TRIM9: variants seen among roughly 807,000 people sequenced by gnomAD.
The protein encoded by TRIM9 is E3 ubiquitin-protein ligase TRIM9.
Under a neutral mutation model 78.3 loss-of-function variants are expected in TRIM9, and 26 were observed. The ratio of observed to expected loss-of-function variants is 0.33; its 90% CI spans 0.24 to 0.46. The LOEUF is 0.46. TRIM9 is among the 20% of genes least tolerant of loss of function. TRIM9 has a pLI of 1.00. For missense variants in TRIM9, 787 were observed against 1,036.4 expected (o/e 0.76, Z 3.30); for synonymous variants, 398 against 416.5 (o/e 0.96, Z 0.54).
At chr14:50,992,171 T>C (rs12881920) in intron 7 of TRIM9, among the ~76,000 whole-genome samples, 12,505 of 152,320 alleles carry the variant, frequency 0.082, 657 homozygotes, top group Middle Eastern at 0.18. Context: ...GCTGAGGTGT[T>C]CCCTGTAGTT....
At chr14:51,010,125 GA>G (rs1198629867) in intron 4 of TRIM9, among the ~76,000 whole-genome samples, 1 of 62,838 alleles carries the variant, frequency 1.6e-5, no homozygotes, top group East Asian at 3.5e-4. Flanking sequence ...AGAAGAAAAA[GA>G]AGCGAAAAAA....
chr14:51,077,339 T>C (rs776727075), intron 1 of TRIM9, among the ~76,000 whole-genome samples: 1 of 151,054 alleles, frequency 6.6e-6, no homozygotes, highest in Non-Finnish European at 1.5e-5. Context: ...AAGGCGACCA[T>C]GAGCTGTCAA....
At chr14:51,014,067 C>G (rs908541110) in intron 3 of TRIM9, among the ~76,000 whole-genome samples, 9 of 152,300 alleles carry the variant, frequency 5.9e-5, no homozygotes, top group Admixed American at 5.9e-4. Flanking sequence ...AATCTGAGCA[C>G]TATAACCCAG....
At chr14:51,040,659 C>T (rs1435074397) in intron 1 of TRIM9, among the ~76,000 whole-genome samples, 1 of 152,212 alleles carries the variant, frequency 6.6e-6, no homozygotes, top group Non-Finnish European at 1.5e-5. Flanking sequence ...TTCTAGTCAA[C>T]TCATGATGCC....
chr14:51,025,401 G>C (rs1165955605), intron 1 of TRIM9, 41 bp from the exon 2 acceptor site: 8 of 1,600,778 alleles, frequency 5.0e-6, no homozygotes, highest in Non-Finnish European at 6.0e-6. Flanking sequence ...TGTAATCACA[G>C]GATACACCAA....
chr14:51,006,500 C>G (rs948161726), intron 5 of TRIM9, among the ~76,000 whole-genome samples: 10 of 152,158 alleles, frequency 6.6e-5, no homozygotes, highest in African/African-American at 2.4e-4. Flanking sequence ...CTTTTTCTTT[C>G]CATCGCAAGC....
At chr14:51,073,085 C>T (rs987276365) in intron 1 of TRIM9, among the ~76,000 whole-genome samples, 4 of 152,082 alleles carry the variant, frequency 2.6e-5, no homozygotes, top group African/African-American at 9.7e-5. Context: ...AATATAAACA[C>T]ATGCTTAATA....
intron 1 of TRIM9, among the ~76,000 whole-genome samples, chr14:51,047,751 C>A (rs11850410): frequency 0.19 from 29,523 of 152,084 alleles, 3,267 homozygotes; most frequent in Non-Finnish European, 0.25. Context: ...ATGCTATGGG[C>A]AATGCACCTT....
chr14:51,084,890 C>T (rs1360359283), intron 1 of TRIM9, among the ~76,000 whole-genome samples: 1 of 152,182 alleles, frequency 6.6e-6, no homozygotes, highest in Non-Finnish European at 1.5e-5. Flanking sequence ...ATGAGCTGGG[C>T]TTACAGTTGA....
chr14:51,043,047 T>C (rs1413034666), intron 1 of TRIM9, among the ~76,000 whole-genome samples: 1 of 152,242 alleles, frequency 6.6e-6, no homozygotes, highest in East Asian at 1.9e-4. Context: ...CTAAAATGTA[T>C]ACATGATATA....
chr14:51,050,048 C>T (rs1378032465), intron 1 of TRIM9, among the ~76,000 whole-genome samples: 1 of 151,940 alleles, frequency 6.6e-6, no homozygotes, highest in East Asian at 1.9e-4. Flanking sequence ...AGCCGTGAGA[C>T]AGTTTTTAGT....
At chr14:51,056,277 TA>T (rs1390165854) in intron 1 of TRIM9, among the ~76,000 whole-genome samples, 1 of 152,240 alleles carries the variant, frequency 6.6e-6, no homozygotes, top group Non-Finnish European at 1.5e-5. Flanking sequence ...TGAAAAATAT[TA>T]ATTGGTATTT....
At chr14:51,003,181 T>G (rs532443062) in intron 5 of TRIM9, among the ~76,000 whole-genome samples, 4 of 152,370 alleles carry the variant, frequency 2.6e-5, no homozygotes, top group African/African-American at 9.6e-5. Context: ...TTCCTTTTTA[T>G]TTTAAATTTG....
chr14:51,091,110 A>C (rs1397208205), intron 1 of TRIM9: 3 of 152,198 alleles, frequency 2.0e-5, no homozygotes, highest in Non-Finnish European at 4.4e-5. Flanking sequence ...ACTGCTACCA[A>C]ATATTTGACT....
chr14:51,000,016 A>G lies in TRIM9; in HGVS notation c.1464+667T>C, dbSNP rs528364232. The stretch of plus-strand genomic sequence containing the variant: ...GCTCCCTCACCTTGGGAAGGTAGCA[A>G]TCTTCTGGTACCAGTTCTATCTGGT... On this transcript the variant is annotated intron_variant, in intron 6 of 12. Transcript: ENST00000684578. Among the ~76,000 whole-genome samples, 355 of 152,290 alleles carry G rather than the reference A, an allele frequency of 2.3e-3. 1 individual carries two copies. The highest frequency in any genetic ancestry group is 3.9e-3 in the Non-Finnish European group (263 of 68,008).
At chr14:51,012,687 G>C (rs1386171709) in intron 3 of TRIM9, among the ~76,000 whole-genome samples, 1 of 152,032 alleles carries the variant, frequency 6.6e-6, no homozygotes, top group Non-Finnish European at 1.5e-5. Flanking sequence ...AATGCACAAG[G>C]GTTCCAATTT....
intron 1 of TRIM9, among the ~76,000 whole-genome samples, chr14:51,072,744 G>A (rs958419985): frequency 6.0e-5 from 9 of 150,892 alleles, no homozygotes; most frequent in Admixed American, 3.3e-4. Context: ...ATTTGCATTC[G>A]TACTGTTTGC....
At position 50,981,976 on chromosome 14, in the gene TRIM9, G is replaced by C. The variant is rs1477985494; in HGVS notation, c.1986C>G (p.Gly662=). The C allele has an allele frequency of 6.2e-7, 1 of 1,614,078 alleles. No homozygotes were observed. The highest frequency in any genetic ancestry group is 1.1e-5 in the South Asian group (1 of 91,088). The part of the protein sequence containing the change: ...VVLGKTGFSK[G]IHYWELTVDR... ...CTACCGTGAGCTCCCAGTAGTGGAT[G>C]CCCTTGGAGAAGCCAGTCTTCCCTA... The change falls in exon 11 of 13, where the codon GGC becomes GGG. Residue 662 remains glycine (G), a synonymous_variant. Coordinates refer to ENST00000684578, the MANE Select transcript of TRIM9 (RefSeq NM_001387360.1).
At chr14:51,073,830 G>A (rs557469291) in intron 1 of TRIM9, among the ~76,000 whole-genome samples, 33 of 152,188 alleles carry the variant, frequency 2.2e-4, no homozygotes, top group African/African-American at 7.9e-4. Context: ...TGCAGCTGCA[G>A]GCTTACATCA....
Sources: gnomAD v4.1 joint callset for allele counts (sites outside exome capture counted in the v4.1 genomes callset) on GRCh38, gnomAD v4.1.1 for gene constraint, MANE v1.5 for transcripts, NCBI Gene and HGNC (gene_info 2026-07-23, HGNC 2026-07-21) for gene names.